The following DSCAM variants were observed in gnomAD, a reference collection of about 807,000 sequenced individuals.
DSCAM encodes cell adhesion molecule DSCAM.
A neutral mutation model predicts 217.7 loss-of-function variants in DSCAM; 47 were observed. The ratio of observed to expected loss-of-function variants is 0.22; its 90% CI spans 0.17 to 0.28. The LOEUF (loss-of-function observed/expected upper bound fraction) is 0.28, where lower values mean the gene tolerates loss of function less well. Among genes scored for constraint, DSCAM ranks in the 10% least tolerant of loss-of-function variants. The pLI is 1.00. For missense variants in DSCAM, 2,080 were observed against 2,618.3 expected (o/e 0.79, Z 4.49); for synonymous variants, 1,056 against 1,015.3 (o/e 1.04, Z -0.76).
rs529833693 is a variant in DSCAM, at chr21:40,187,918, G to A, written c.2623C>T (p.Arg875Cys). 6.2e-6 allele frequency: 10 copies of A among 1,613,766 alleles called. No homozygotes were observed. In the Admixed American group the frequency reaches 1.0e-4, roughly 16 times the overall value. ...CHAINSYGED[R>C]GIIQLTVQEP... ...TGCACTGTGAGCTGAATTATTCCAC[G>A]GTCCTCCCCATAAGAATTAATAGCA... is the stretch of plus-strand genomic sequence containing the variant. The change falls in exon 13 of 33, where the codon CGT becomes TGT. Residue 875 changes from arginine (R) to cysteine (C), a missense_variant. Physicochemically the swap from Arg to Cys is radical, Grantham distance 180 (BLOSUM62 -3). This residue lies in a region of DSCAM where 1,144 missense variants were observed against 1,421.1 expected (regional missense o/e 0.81). Transcript: ENST00000400454.
chr21:40,679,252 T>C (rs749885634), intron 3 of DSCAM, among the ~76,000 whole-genome samples: 9 of 152,238 alleles, frequency 5.9e-5, no homozygotes, highest in Non-Finnish European at 1.0e-4. Context: ...AGTTTCTTAT[T>C]CAAGATTCAC....
chr21:40,348,457 T>C (rs113127661), intron 5 of DSCAM, among the ~76,000 whole-genome samples: 923 of 127,450 alleles, frequency 7.2e-3, no homozygotes, highest in African/African-American at 0.025. Flanking sequence ...ACGGTTCCTA[T>C]CAGCCACATT....
intron 3 of DSCAM, among the ~76,000 whole-genome samples, chr21:40,679,704 T>G (rs1027316093): frequency 1.3e-5 from 2 of 152,226 alleles, no homozygotes. Flanking sequence ...TCATTTTATA[T>G]CATACTTTTG....
At chr21:40,259,531 A>C (rs918116403) in intron 11 of DSCAM, among the ~76,000 whole-genome samples, 6 of 152,146 alleles carry the variant, frequency 3.9e-5, no homozygotes, top group Non-Finnish European at 8.8e-5. Context: ...ACCTGTAAAG[A>C]GGCGATGCAT....
chr21:40,650,936 A>T (rs1568963259), intron 3 of DSCAM, among the ~76,000 whole-genome samples: 1 of 152,176 alleles, frequency 6.6e-6, no homozygotes, highest in Non-Finnish European at 1.5e-5. Flanking sequence ...AAGAGGGGAA[A>T]GGTGGAGCCT....
At chr21:40,413,348 T>C (rs2075340692) in intron 3 of DSCAM, among the ~76,000 whole-genome samples, 1 of 152,128 alleles carries the variant, frequency 6.6e-6, no homozygotes, top group Non-Finnish European at 1.5e-5. Flanking sequence ...AGCCCATGAA[T>C]GGAGCCAGGA....
At position 40,217,931 on chromosome 21, in the gene DSCAM, T is replaced by A. The variant is rs143868591; in HGVS notation, c.2357-28693A>T. On this transcript the variant is annotated intron_variant, in intron 11 of 32. Transcript: ENST00000400454. Reference sequence around the variant, plus strand: ...CTTTACCAGATGCATAGTTTTCAAATATTTTCTCCCATTCTGTAGGTTGTT... The same window carrying A: ...CTTTACCAGATGCATAGTTTTCAAAAATTTTCTCCCATTCTGTAGGTTGTT... 2.9e-3 allele frequency among the ~76,000 whole-genome samples: 440 copies of A among 152,314 alleles called. 4 individuals carry two copies. Among genetic ancestry groups the A allele is most frequent in the African/African-American group, 0.01 (421 of 41,574 alleles).
chr21:40,231,118 G>A (rs1486497697), intron 11 of DSCAM, among the ~76,000 whole-genome samples: 2 of 142,492 alleles, frequency 1.4e-5, no homozygotes, highest in Non-Finnish European at 3.0e-5. Flanking sequence ...TGTGGTTCTG[G>A]AAGAGGTTTT....
Position 40,368,933 on chromosome 21 carries a change from T to C in DSCAM, c.655+166A>G, listed in dbSNP as rs143243590. 4.7e-3 allele frequency among the ~76,000 whole-genome samples: 709 copies of C among 152,328 alleles called. 6 individuals carry two copies. The highest frequency in any genetic ancestry group is 5.6e-3 in the Non-Finnish European group (378 of 68,036). On this transcript the variant is annotated intron_variant, in intron 4 of 32. Transcript: ENST00000400454. Reference sequence around the variant, plus strand: ...ATGTGAAATCTGTATTTCTATGAAATTGTACTCATATTCATTTAAAAGAGT... The same window carrying C: ...ATGTGAAATCTGTATTTCTATGAAACTGTACTCATATTCATTTAAAAGAGT...
At chr21:40,325,736 A>G (rs1241800018) in intron 8 of DSCAM, among the ~76,000 whole-genome samples, 4 of 152,192 alleles carry the variant, frequency 2.6e-5, no homozygotes, top group Admixed American at 6.5e-5. Context: ...GCTCCTTTAC[A>G]TCAATCAGCT....
At chr21:40,650,949 A>G (rs2090006200) in intron 3 of DSCAM, among the ~76,000 whole-genome samples, 1 of 152,178 alleles carries the variant, frequency 6.6e-6, no homozygotes. Flanking sequence ...TGGAGCCTGG[A>G]GAGTGGGTCA....
intron 3 of DSCAM, among the ~76,000 whole-genome samples, chr21:40,544,036 T>G (rs2076561992): frequency 6.6e-6 from 1 of 152,086 alleles, no homozygotes; most frequent in Non-Finnish European, 1.5e-5. Flanking sequence ...TTAGTCAGTG[T>G]GAGTTGGGTT....
chr21:40,205,655 C>G (rs1444551205), intron 11 of DSCAM, among the ~76,000 whole-genome samples: 3 of 150,838 alleles, frequency 2.0e-5, no homozygotes, highest in Non-Finnish European at 4.4e-5. Context: ...TTGTGCCTCT[C>G]ACAGCACAAG....
At chr21:40,325,983 G>T (rs2074313105) in intron 8 of DSCAM, among the ~76,000 whole-genome samples, 1 of 152,022 alleles carries the variant, frequency 6.6e-6, no homozygotes, top group African/African-American at 2.4e-5. Flanking sequence ...GGGCTGGGTG[G>T]GGGGCAAACT....
At chr21:40,192,956 G>A (rs2090968049) in intron 11 of DSCAM, among the ~76,000 whole-genome samples, 1 of 152,106 alleles carries the variant, frequency 6.6e-6, no homozygotes, top group South Asian at 2.1e-4. Context: ...TGGAACTACT[G>A]GGTTATATGG....
At chr21:40,684,252 G>A (rs545457588) in intron 3 of DSCAM, among the ~76,000 whole-genome samples, 20 of 152,112 alleles carry the variant, frequency 1.3e-4, no homozygotes, top group East Asian at 3.9e-4. Context: ...AAAAGAAACC[G>A]GACTGGCATA....
chr21:40,485,567 A>C (rs1473415064), intron 3 of DSCAM, among the ~76,000 whole-genome samples: 2 of 152,248 alleles, frequency 1.3e-5, no homozygotes, highest in East Asian at 3.9e-4. Context: ...CCAGACACAG[A>C]AGGAACTAAT....
At chr21:40,134,687 C>A (rs2090189017) in intron 18 of DSCAM, among the ~76,000 whole-genome samples, 1 of 152,182 alleles carries the variant, frequency 6.6e-6, no homozygotes, top group African/African-American at 2.4e-5. Context: ...GGTGGACCCG[C>A]TGTTAATTTG....
At chr21:40,057,553 G>C (rs1032928755) in intron 28 of DSCAM, among the ~76,000 whole-genome samples, 2 of 152,132 alleles carry the variant, frequency 1.3e-5, no homozygotes, top group Admixed American at 6.6e-5. Context: ...GGCAGTCAGC[G>C]GCTGCTCTAT....
Sources: gnomAD v4.1 joint callset for allele counts (sites outside exome capture counted in the v4.1 genomes callset) on GRCh38, gnomAD v4.1.1 for gene constraint, gnomAD v4.1.1 regional missense constraint, MANE v1.5 for transcripts, NCBI Gene and HGNC (gene_info 2026-07-23, HGNC 2026-07-21) for gene names.